The following FGGY variants were observed in gnomAD, a reference collection of about 807,000 sequenced individuals.
The protein encoded by FGGY is FGGY carbohydrate kinase domain-containing protein.
In FGGY, 72 loss-of-function variants were observed where a neutral mutation model predicts 71.3. That is an observed-to-expected ratio of 1.01 (90% CI 0.84 to 1.23). The LOEUF (loss-of-function observed/expected upper bound fraction) is 1.23, where lower values mean the gene tolerates loss of function less well. Ranked by LOEUF, FGGY falls within the 50% of genes most tolerant of loss-of-function variation. The pLI, the probability that FGGY is intolerant of heterozygous loss-of-function variation, is 0.00. For missense variants in FGGY, 668 were observed against 682.3 expected, an observed-to-expected ratio of 0.98 and a Z score of 0.23; for synonymous variants, 251 against 250.3, an observed-to-expected ratio of 1.00 and a Z score of -0.02.
At chr1:59,523,874 G>C (rs2153652678) in intron 7 of FGGY, among the ~76,000 whole-genome samples, 1 of 152,334 alleles carries the variant, frequency 6.6e-6, no homozygotes, top group South Asian at 2.1e-4. Context: ...GACCCATCTG[G>C]AGCAGCCACT....
At chr1:59,339,914 G>A (rs775881455) in intron 2 of FGGY, 44 bp from the exon 3 acceptor site, 32 of 1,176,752 alleles carry the variant, frequency 2.7e-5, no homozygotes, top group African/African-American at 3.0e-5. Flanking sequence ...AATCTTTAAA[G>A]ACCCTGGTGT....
intron 11 of FGGY, among the ~76,000 whole-genome samples, chr1:59,653,854 G>C (rs2097193777): frequency 1.3e-5 from 2 of 152,138 alleles, no homozygotes; most frequent in South Asian, 4.1e-4. Flanking sequence ...TTCTATTTCT[G>C]CTTCATCTCT....
intron 7 of FGGY, among the ~76,000 whole-genome samples, chr1:59,535,267 A>G (rs1173113312): frequency 2.0e-5 from 3 of 152,162 alleles, no homozygotes; most frequent in Non-Finnish European, 4.4e-5. Flanking sequence ...GGATCAATTC[A>G]ACAAGAAGAG....
At position 59,378,811 on chromosome 1, in the gene FGGY, G is replaced by C. The variant is rs371162434; in HGVS notation, c.528G>C (p.Ser176=). Residue 176 remains serine (S), a synonymous_variant, in exon 5 of 16, where the codon TCG becomes TCC. Coordinates refer to ENST00000303721, the MANE Select transcript of FGGY (RefSeq NM_018291.5). The part of the protein sequence containing the change: ...GHFFDLPDFL[S]WKATGVTARS... Reference sequence around the variant, plus strand: ...TCTTTGATCTCCCGGACTTCTTATCGTGGAAGGCAACAGGTGTCACAGCAC... The same window carrying C: ...TCTTTGATCTCCCGGACTTCTTATCCTGGAAGGCAACAGGTGTCACAGCAC... The C allele has an allele frequency of 1.2e-6, 2 of 1,613,438 alleles. No individual in the cohort carries two copies. Among genetic ancestry groups the C allele is most frequent in the South Asian group, 2.2e-5 (2 of 91,068 alleles).
At chr1:59,592,783 T>G (rs12740377) in intron 8 of FGGY, among the ~76,000 whole-genome samples, 14,424 of 128,104 alleles carry the variant, frequency 0.11, 848 homozygotes, top group South Asian at 0.3. Context: ...TGGGGACTGT[T>G]GTGGGGTGGG....
chr1:59,467,103 A>G (rs1193123562), intron 6 of FGGY, among the ~76,000 whole-genome samples: 3 of 152,222 alleles, frequency 2.0e-5, no homozygotes, highest in African/African-American at 7.2e-5. Flanking sequence ...AACCAAGTCG[A>G]ATTTCCACCA....
rs534014438 is a variant in FGGY, at chr1:59,300,302, T to G, written c.-15+3152T>G. On this transcript the variant is annotated intron_variant, in intron 1 of 15. Coordinates refer to ENST00000303721, the MANE Select transcript of FGGY (RefSeq NM_018291.5). Reference sequence around the variant, plus strand: ...TTTGTATACCCCCTAAGGTAAAGTATGTATTCAATCTTTCGTCCATTTTAA... The same window carrying G: ...TTTGTATACCCCCTAAGGTAAAGTAGGTATTCAATCTTTCGTCCATTTTAA... Among the ~76,000 whole-genome samples the G allele has an allele frequency of 3.9e-5, 6 of 152,370 alleles. No homozygotes were observed. The South Asian group carries it at 1.2e-3, about 32-fold the overall frequency.
At chr1:59,504,186 A>G (rs1292353729) in intron 6 of FGGY, among the ~76,000 whole-genome samples, 1 of 148,726 alleles carries the variant, frequency 6.7e-6, no homozygotes, top group Admixed American at 6.8e-5. Context: ...TGCCCAGGGA[A>G]GGCATGGAAG....
At chr1:59,674,207 C>A (rs2153980064) in intron 14 of FGGY, 74 bp downstream of exon 14, 1 of 1,123,054 alleles carries the variant, frequency 8.9e-7, no homozygotes, top group Non-Finnish European at 1.3e-6. Flanking sequence ...CAGCAGCTCG[C>A]ATTTTACAAA....
chr1:59,538,877 G>T (rs955458829), intron 7 of FGGY, among the ~76,000 whole-genome samples: 5 of 150,772 alleles, frequency 3.3e-5, no homozygotes, highest in Non-Finnish European at 5.9e-5. Flanking sequence ...GATAGCATTG[G>T]GAGATATACC....
intron 14 of FGGY, among the ~76,000 whole-genome samples, chr1:59,719,639 C>T (rs755496576): frequency 6.6e-6 from 1 of 152,090 alleles, no homozygotes; most frequent in Non-Finnish European, 1.5e-5. Context: ...TTATCGAGAG[C>T]CTGCATTTCT....
At chr1:59,370,971 A>G (rs1254841001) in intron 4 of FGGY, among the ~76,000 whole-genome samples, 1 of 152,116 alleles carries the variant, frequency 6.6e-6, no homozygotes, top group African/African-American at 2.4e-5. Flanking sequence ...TGTAAAGACC[A>G]TCGAGACTAG....
intron 4 of FGGY, among the ~76,000 whole-genome samples, chr1:59,370,368 A>G (rs2057383993): frequency 6.6e-6 from 1 of 152,154 alleles, no homozygotes. Context: ...AAAGAATAAA[A>G]AGAAACAAAC....
At chr1:59,638,520 T>A in intron 11 of FGGY, 145 bp downstream of exon 11, 1 of 909,364 alleles carries the variant, frequency 1.1e-6, no homozygotes, top group Non-Finnish European at 1.6e-6. Context: ...TTGCTGTTGC[T>A]GCTCCCTGGG....
chr1:59,750,164 CTA>C (rs539983283), intron 14 of FGGY, among the ~76,000 whole-genome samples: 1 of 152,244 alleles, frequency 6.6e-6, no homozygotes, highest in East Asian at 1.9e-4. Context: ...CCATTTATCT[CTA>C]AAACCCAGTA....
chr1:59,660,278 A>G lies in FGGY; in HGVS notation c.1281A>G (p.Thr427=). ...LDDLAILYLA[T]VQAIALGTRF... The stretch of plus-strand genomic sequence containing the variant: ...ATCTTGCCATTCTCTACCTGGCCAC[A>G]GTTCAAGCCATTGCTGTAAGATACT... The change falls in exon 12 of 16, where the codon ACA becomes ACG. Residue 427 remains threonine, a synonymous_variant. Coordinates refer to ENST00000303721, the MANE Select transcript of FGGY (RefSeq NM_018291.5). The G allele has an allele frequency of 6.2e-7, 1 of 1,613,250 alleles. No homozygotes were observed. The highest frequency in any genetic ancestry group is 8.5e-7 in the Non-Finnish European group (1 of 1,179,958).
chr1:59,667,551 A>C, intron 13 of FGGY, 148 bp downstream of exon 13: 2 of 1,026,026 alleles, frequency 1.9e-6, no homozygotes, highest in Non-Finnish European at 2.8e-6. Flanking sequence ...CACAATGGAG[A>C]AAGTGACTTC....
At chr1:59,299,935 C>T (rs553922002) in intron 1 of FGGY, among the ~76,000 whole-genome samples, 6 of 151,616 alleles carry the variant, frequency 4.0e-5, no homozygotes, top group South Asian at 2.1e-4. Context: ...AGCAGGTGAT[C>T]GAAAAAGCTT....
chr1:59,549,546 A>T (rs1250494704), intron 7 of FGGY, among the ~76,000 whole-genome samples: 1 of 152,222 alleles, frequency 6.6e-6, no homozygotes, highest in Non-Finnish European at 1.5e-5. Flanking sequence ...CTGGAAATAA[A>T]ATACACATAT....
Sources: gnomAD v4.1 joint callset for allele counts (sites outside exome capture counted in the v4.1 genomes callset) on GRCh38, gnomAD v4.1.1 for gene constraint, MANE v1.5 for transcripts, NCBI Gene and HGNC (gene_info 2026-07-23, HGNC 2026-07-21) for gene names.